Variants in CSMD1 observed in about 807,000 individuals in gnomAD.
CSMD1 encodes CUB and Sushi multiple domains 1.
Under a neutral mutation model 417.5 loss-of-function variants are expected in CSMD1, and 213 were observed. The ratio of observed to expected loss-of-function variants is 0.51; its 90% CI spans 0.46 to 0.57. CSMD1 has a LOEUF of 0.57. Ranked by LOEUF, CSMD1 falls within the 20% of genes least tolerant of loss-of-function variation. The pLI, the probability that CSMD1 is intolerant of heterozygous loss-of-function variation, is 0.00. For synonymous variants in CSMD1, 2,862 were observed against 1,736.8 expected (o/e 1.65, Z -16.11); for missense variants, 6,923 against 4,529.7 (o/e 1.53, Z -15.17).
chr8:4,358,382 A>G (rs1268524305), intron 3 of CSMD1, among the ~76,000 whole-genome samples: 2 of 152,172 alleles, frequency 1.3e-5, no homozygotes, highest in African/African-American at 2.4e-5. Context: ...TTGAAAAGAA[A>G]AAGAAGGGGA....
chr8:3,300,861 A>G (rs1196674544), intron 25 of CSMD1, among the ~76,000 whole-genome samples: 1 of 144,752 alleles, frequency 6.9e-6, no homozygotes, highest in African/African-American at 2.5e-5. Flanking sequence ...CAGGACACTG[A>G]GGCAGGAGAA....
chr8:3,641,080 A>G (rs1448594131), intron 7 of CSMD1, among the ~76,000 whole-genome samples: 4 of 125,460 alleles, frequency 3.2e-5, no homozygotes, highest in Non-Finnish European at 4.7e-5. Flanking sequence ...GTAATGATTC[A>G]GGACTCTGAG....
At chr8:4,728,035 T>C (rs1809584438) in intron 1 of CSMD1, among the ~76,000 whole-genome samples, 1 of 146,590 alleles carries the variant, frequency 6.8e-6, no homozygotes, top group African/African-American at 2.5e-5. Context: ...TTTCTATTTT[T>C]TTGGTTTATT....
At chr8:3,073,645 T>TA (rs1813457325) in intron 49 of CSMD1, among the ~76,000 whole-genome samples, 1 of 152,168 alleles carries the variant, frequency 6.6e-6, no homozygotes, top group African/African-American at 2.4e-5. Flanking sequence ...TTTCAATTCA[T>TA]AGACTATAAA....
At chr8:4,614,526 T>C (rs1003065389) in intron 2 of CSMD1, among the ~76,000 whole-genome samples, 3 of 152,188 alleles carry the variant, frequency 2.0e-5, no homozygotes, top group Non-Finnish European at 2.9e-5. Flanking sequence ...ATAAGAATTA[T>C]GTAACATAGC....
rs150588678 is a variant in CSMD1 at position 4,520,373 on chromosome 8, C to T, written c.303-100308G>A. ...ATTACACTTCACAGCCTAGAGAAGA[C>T]GACTTTTCTTCATATAATGTTGGCT... On this transcript the variant is annotated intron_variant, in intron 2 of 69. Coordinates refer to ENST00000635120, the MANE Select transcript of CSMD1 (RefSeq NM_033225.6). 5.1e-3 allele frequency among the ~76,000 whole-genome samples: 778 copies of T among 152,218 alleles called. 3 individuals are homozygous for T. Among genetic ancestry groups the T allele is most frequent in the East Asian group, 0.019 (99 of 5,172 alleles).
chr8:3,433,636 G>T (rs1814366873), intron 12 of CSMD1, among the ~76,000 whole-genome samples: 1 of 152,150 alleles, frequency 6.6e-6, no homozygotes, highest in Non-Finnish European at 1.5e-5. Flanking sequence ...TGGCCCATCA[G>T]ATGGCCATTT....
intron 5 of CSMD1, among the ~76,000 whole-genome samples, chr8:3,986,233 G>T (rs1373970768): frequency 6.6e-6 from 1 of 152,148 alleles, no homozygotes; most frequent in Non-Finnish European, 1.5e-5. Flanking sequence ...GATGGAGGAA[G>T]AGCTTTATAA....
chr8:3,340,454 T>C (rs1156489075), intron 23 of CSMD1, among the ~76,000 whole-genome samples: 1 of 152,224 alleles, frequency 6.6e-6, no homozygotes, highest in African/African-American at 2.4e-5. Context: ...TGTATATGCA[T>C]TAATTATGGA....
intron 1 of CSMD1, among the ~76,000 whole-genome samples, chr8:4,673,214 T>G (rs1805440206): frequency 6.6e-6 from 1 of 152,282 alleles, no homozygotes; most frequent in East Asian, 1.9e-4. Flanking sequence ...ATGTTAAAAT[T>G]TATGCCAAAT....
intron 11 of CSMD1, among the ~76,000 whole-genome samples, chr8:3,480,086 T>C (rs949671873): frequency 4.0e-5 from 6 of 151,178 alleles, no homozygotes; most frequent in African/African-American, 1.5e-4. Flanking sequence ...GGGCCGGGAG[T>C]GGTGACTCAC....
At chr8:3,948,797 T>C (rs1811413412) in intron 5 of CSMD1, among the ~76,000 whole-genome samples, 1 of 151,348 alleles carries the variant, frequency 6.6e-6, no homozygotes, top group African/African-American at 2.4e-5. Flanking sequence ...AAAGCAGTTT[T>C]ACTACCCAGT....
At chr8:4,638,351 G>C (rs188470200) in intron 1 of CSMD1, among the ~76,000 whole-genome samples, 2 of 152,160 alleles carry the variant, frequency 1.3e-5, no homozygotes, top group African/African-American at 4.8e-5. Context: ...AGGTCAATAC[G>C]CCAGTGATTG....
intron 2 of CSMD1, among the ~76,000 whole-genome samples, chr8:4,622,592 G>A (rs553657260): frequency 6.7e-4 from 102 of 152,264 alleles, no homozygotes; most frequent in African/African-American, 2.3e-3. Context: ...TGTGTACAAG[G>A]TTTGGTTTCG....
At chr8:4,582,775 C>G (rs570218783) in intron 2 of CSMD1, among the ~76,000 whole-genome samples, 2 of 152,362 alleles carry the variant, frequency 1.3e-5, no homozygotes, top group East Asian at 1.9e-4. Context: ...GAGCCCTTTT[C>G]TGAGTTGGCC....
Position 4,994,691 on chromosome 8 carries a change from G to A in CSMD1, c.-275C>T. Reference sequence around the variant, plus strand: ...GCCGGGGACGAGCGCCGGCCGAGCCGGGCAGGAAGGCACCAAGGCGGCGAG... The same window carrying A: ...GCCGGGGACGAGCGCCGGCCGAGCCAGGCAGGAAGGCACCAAGGCGGCGAG... On this transcript the variant is annotated 5_prime_UTR_variant, in exon 1 of 70. Coordinates refer to ENST00000635120, the MANE Select transcript of CSMD1 (RefSeq NM_033225.6). The A allele has an allele frequency of 5.0e-6, 2 of 396,224 alleles. No homozygotes were observed. Among genetic ancestry groups the A allele is most frequent in the Non-Finnish European group, 9.0e-6 (2 of 221,714 alleles). The allele number at this position is 396,224 out of a possible 1,614,324, so 24.5% of individuals were successfully genotyped here.
chr8:4,589,315 G>A (rs954317537), intron 2 of CSMD1, among the ~76,000 whole-genome samples: 1 of 152,102 alleles, frequency 6.6e-6, no homozygotes, highest in Non-Finnish European at 1.5e-5. Context: ...ATGCCTCAGT[G>A]ATCTTTAGCC....
chr8:3,403,142 T>C (rs1055495283), intron 15 of CSMD1, among the ~76,000 whole-genome samples: 2 of 152,182 alleles, frequency 1.3e-5, no homozygotes, highest in Non-Finnish European at 2.9e-5. Flanking sequence ...CTTATTTTAA[T>C]TTGTTAAGGT....
Position 3,079,723 on chromosome 8 carries a change from G to A in CSMD1, c.7474+7374C>T, listed in dbSNP as rs79240209. On this transcript the variant is annotated intron_variant, in intron 49 of 69. Transcript: ENST00000635120. ...TCTCTGTGGGCAAACATCATGTTTC[G>A]GGGGTGAATGCAGGGTATAATGGAA... 4.5e-3 allele frequency among the ~76,000 whole-genome samples: 686 copies of A among 152,210 alleles called. 5 individuals are homozygous for A. Among genetic ancestry groups the A allele is most frequent in the African/African-American group, 0.016 (662 of 41,520 alleles).
Sources: allele counts gnomAD v4.1 joint callset (sites outside exome capture counted in the v4.1 genomes callset), GRCh38; gene constraint gnomAD v4.1.1; transcripts MANE v1.5; gene names NCBI Gene and HGNC (gene_info 2026-07-23, HGNC 2026-07-21).